Variants in CHSY3 observed in about 807,000 individuals in gnomAD.
CHSY3 encodes N-acetylgalactosaminyl-proteoglycan 3-beta-glucuronosyltransferase 3.
Under a neutral mutation model 67.2 loss-of-function variants are expected in CHSY3, and 35 were observed. That is an observed-to-expected ratio of 0.52 (90% CI 0.40 to 0.69). The LOEUF (loss-of-function observed/expected upper bound fraction) is 0.69, where lower values mean the gene tolerates loss of function less well. CHSY3 is among the 30% of genes least tolerant of loss of function. CHSY3 has a pLI of 0.00. For synonymous variants in CHSY3, 474 were observed against 434.7 expected, an observed-to-expected ratio of 1.09 and a Z score of -1.12; for missense variants, 1,069 against 1,138.5, an observed-to-expected ratio of 0.94 and a Z score of 0.88.
chr5:130,097,083 A>G (rs1767073622), intron 2 of CHSY3, among the ~76,000 whole-genome samples: 1 of 152,238 alleles, frequency 6.6e-6, no homozygotes. Context: ...AGATAATTCT[A>G]TGACAGCTAT....
Position 129,908,175 on chromosome 5 carries a change from G to T in CHSY3, c.901G>T (p.Gly301Ter). The change falls in exon 2 of 3, where the codon GGA (glycine) becomes TGA (stop). Residue 301 changes from glycine to a stop codon, truncating the protein, a stop_gained. Transcript: ENST00000305031. LOFTEE classifies it high-confidence loss of function. Reference protein sequence around the residue: ...LGNIEELGKLGLEPGENFCMG... With the variant: ...LGNIEELGKL ...GAATATTGAAGAGCTTGGAAAGCTG[G>T]GACTGGAGCCTGGGGAAAACTTCTG... The T allele has an allele frequency of 1.9e-6, 3 of 1,614,184 alleles. No individual in the cohort carries two copies. Among genetic ancestry groups the T allele is most frequent in the Non-Finnish European group, 2.5e-6 (3 of 1,180,036 alleles).
chr5:130,036,100 A>G (rs148943886), intron 2 of CHSY3, among the ~76,000 whole-genome samples: 1 of 152,012 alleles, frequency 6.6e-6, no homozygotes, highest in Non-Finnish European at 1.5e-5. Flanking sequence ...TAGATTTAGC[A>G]TCTCAGTGTT....
At chr5:130,072,282 A>T (rs1766099542) in intron 2 of CHSY3, among the ~76,000 whole-genome samples, 1 of 152,016 alleles carries the variant, frequency 6.6e-6, no homozygotes, top group African/African-American at 2.4e-5. Flanking sequence ...TTACAGTTTC[A>T]GGTCTTACAT....
intron 2 of CHSY3, among the ~76,000 whole-genome samples, chr5:130,143,125 C>CT (rs1464134433): frequency 6.6e-6 from 1 of 152,090 alleles, no homozygotes. Context: ...AACAGACAAA[C>CT]TTTTTTGTGT....
intron 2 of CHSY3, among the ~76,000 whole-genome samples, chr5:130,163,900 A>G (rs1227085227): frequency 1.3e-5 from 2 of 152,214 alleles, no homozygotes; most frequent in Non-Finnish European, 2.9e-5. Context: ...GGATGCATCT[A>G]TATGATAGGC....
chr5:129,991,559 G>T (rs985531816), intron 2 of CHSY3, among the ~76,000 whole-genome samples: 8 of 152,170 alleles, frequency 5.3e-5, no homozygotes, highest in Non-Finnish European at 1.0e-4. Flanking sequence ...TATGTAGGGT[G>T]TTGAGGTCTG....
At chr5:130,031,467 T>C (rs1032168198) in intron 2 of CHSY3, among the ~76,000 whole-genome samples, 8 of 152,158 alleles carry the variant, frequency 5.3e-5, no homozygotes, top group African/African-American at 1.7e-4. Context: ...TGTTAAAGAA[T>C]TGGGAAATTT....
intron 2 of CHSY3, among the ~76,000 whole-genome samples, chr5:130,050,559 C>A (rs1765310697): frequency 1.3e-5 from 2 of 152,070 alleles, no homozygotes; most frequent in South Asian, 4.1e-4. Context: ...AGAATTTACT[C>A]TCTATGGAAG....
intron 2 of CHSY3, chr5:130,001,385 C>T (rs1296563956): frequency 2.2e-6 from 2 of 895,182 alleles, no homozygotes; most frequent in East Asian, 1.2e-4. Context: ...TACTCTTCTT[C>T]TCCTTTTCCT....
chr5:130,117,600 A>AT (rs574207508), intron 2 of CHSY3, among the ~76,000 whole-genome samples: 16 of 152,102 alleles, frequency 1.1e-4, no homozygotes, highest in East Asian at 7.8e-4. Flanking sequence ...TAATAAACAA[A>AT]TTTTTTTTAT....
chr5:130,128,930 G>C (rs555929437), intron 2 of CHSY3, among the ~76,000 whole-genome samples: 17 of 150,128 alleles, frequency 1.1e-4, no homozygotes, highest in Non-Finnish European at 5.9e-5. Context: ...AAAAATGTGA[G>C]GTTTTTTTTT....
intron 2 of CHSY3, among the ~76,000 whole-genome samples, chr5:129,912,986 T>G (rs1760618663): frequency 6.6e-6 from 1 of 152,226 alleles, no homozygotes; most frequent in South Asian, 2.1e-4. Flanking sequence ...CTATTCACTC[T>G]GCAAGTGTTA....
Position 129,905,594 on chromosome 5 carries a change from G to A in CHSY3, c.765G>A (p.Glu255=), listed in dbSNP as rs1760251834. 2 of 1,613,788 alleles carry A rather than the reference G, an allele frequency of 1.2e-6. No individual in the cohort carries two copies. The highest frequency in any genetic ancestry group is 8.5e-7 in the Non-Finnish European group (1 of 1,180,020). ...YMHDHYLDKY[E]WFMRADDDVY... ...ACGACCACTACCTGGACAAGTATGA[G>A]TGGTTCATGCGCGCCGACGACGATG... The change falls in exon 1 of 3, where the codon GAG becomes GAA. Residue 255 remains glutamate (E), a synonymous_variant. Coordinates refer to ENST00000305031, the MANE Select transcript of CHSY3 (RefSeq NM_175856.5).
intron 2 of CHSY3, among the ~76,000 whole-genome samples, chr5:129,926,524 GGTTAT>G (rs1251855696): frequency 8.6e-5 from 13 of 151,740 alleles, no homozygotes; most frequent in African/African-American, 2.7e-4. Flanking sequence ...CCATATAATT[GGTTAT>G]GTTAAGATTC....
intron 2 of CHSY3, among the ~76,000 whole-genome samples, chr5:129,939,790 CAT>C (rs1761640783): frequency 6.6e-6 from 1 of 152,126 alleles, no homozygotes; most frequent in Non-Finnish European, 1.5e-5. Flanking sequence ...TATCAATTAA[CAT>C]AGGAAATCTT....
At position 129,908,183 on chromosome 5, in the gene CHSY3, G is replaced by C; in HGVS notation, c.909G>C (p.Glu303Asp). The C allele has an allele frequency of 6.2e-7, 1 of 1,614,204 alleles. No homozygotes were observed. Among genetic ancestry groups the C allele is most frequent in the Non-Finnish European group, 8.5e-7 (1 of 1,180,042 alleles). Residue 303 changes from glutamate to aspartate, a missense_variant, in exon 2 of 3, where the codon GAG becomes GAC. Glu to Asp is a conservative substitution (Grantham distance 45). Coordinates refer to ENST00000305031, the MANE Select transcript of CHSY3 (RefSeq NM_175856.5). Reference sequence around the variant, plus strand: ...AAGAGCTTGGAAAGCTGGGACTGGAGCCTGGGGAAAACTTCTGTATGGGAG... The same window carrying C: ...AAGAGCTTGGAAAGCTGGGACTGGACCCTGGGGAAAACTTCTGTATGGGAG... ...NIEELGKLGL[E>D]PGENFCMGGP...
Position 129,930,436 on chromosome 5 carries a change from T to A in CHSY3, c.1086+22076T>A, listed in dbSNP as rs1393637437. Among the ~76,000 whole-genome samples, 8 of 139,076 alleles carry A rather than the reference T, an allele frequency of 5.8e-5. No homozygotes were observed. In the Admixed American group the frequency reaches 6.1e-4, roughly 11 times the overall value. 91.2% of individuals were successfully genotyped at this position (139,076 alleles called of 152,430 possible). A position where few individuals can be genotyped will look rare whatever the true frequency, so the allele number is the denominator to read the frequency against. On this transcript the variant is annotated intron_variant, in intron 2 of 2. Coordinates refer to ENST00000305031, the MANE Select transcript of CHSY3 (RefSeq NM_175856.5). ...TAGCCAAGTAAGAATATGAGTCACA[T>A]AGAAGCTAACATGGCATTGATAAGT...
chr5:130,181,981 T>A (rs1770262382), intron 2 of CHSY3, among the ~76,000 whole-genome samples: 1 of 116,562 alleles, frequency 8.6e-6, no homozygotes, highest in African/African-American at 3.1e-5. Flanking sequence ...TCTATATATA[T>A]TTAGGTGTAT....
chr5:130,175,180 G>A (rs1770007673), intron 2 of CHSY3, among the ~76,000 whole-genome samples: 1 of 152,004 alleles, frequency 6.6e-6, no homozygotes, highest in African/African-American at 2.4e-5. Flanking sequence ...AAATCAATGT[G>A]CAAAAATCAC....
Sources: gnomAD v4.1 joint callset for allele counts (sites outside exome capture counted in the v4.1 genomes callset) on GRCh38, gnomAD v4.1.1 for gene constraint, MANE v1.5 for transcripts, NCBI Gene and HGNC (gene_info 2026-07-23, HGNC 2026-07-21) for gene names.